The following TRHDE variants were observed in gnomAD, a reference collection of about 807,000 sequenced individuals.
TRHDE encodes the protein thyrotropin-releasing hormone-degrading ectoenzyme.
A neutral mutation model predicts 125.7 loss-of-function variants in TRHDE; 72 were observed. The observed-to-expected ratio is 0.57, with a 90% CI of 0.47 to 0.70. The LOEUF is 0.70. TRHDE is among the 30% of genes least tolerant of loss of function. TRHDE has a pLI of 0.00. For missense variants in TRHDE, 1,110 were observed against 1,327.1 expected (o/e 0.84, Z 2.54); for synonymous variants, 509 against 509.1 (o/e 1.00, Z 0.00).
At chr12:72,489,181 A>G (rs558483600) in intron 5 of TRHDE, among the ~76,000 whole-genome samples, 1 of 151,674 alleles carries the variant, frequency 6.6e-6, no homozygotes, top group Non-Finnish European at 1.5e-5. Context: ...ACAGAATGGA[A>G]AAACCATAGA....
At chr12:72,632,987 G>T (rs761812099) in intron 15 of TRHDE, among the ~76,000 whole-genome samples, 2 of 151,906 alleles carry the variant, frequency 1.3e-5, no homozygotes, top group African/African-American at 4.8e-5. Context: ...TTTATAAAGT[G>T]ATCTTATAGC....
At chr12:72,289,719 C>T (rs1880017784) in intron 2 of TRHDE, among the ~76,000 whole-genome samples, 1 of 152,084 alleles carries the variant, frequency 6.6e-6, no homozygotes, top group Admixed American at 6.6e-5. Context: ...TTCCTGCTCC[C>T]AGGGAGCTTA....
chr12:72,284,251 A>C (rs895400511), intron 1 of TRHDE, among the ~76,000 whole-genome samples: 3 of 152,192 alleles, frequency 2.0e-5, no homozygotes, highest in Non-Finnish European at 4.4e-5. Flanking sequence ...CCTGTATAGC[A>C]TAAAGCTCAC....
At chr12:72,284,076 A>G (rs1879792051) in intron 1 of TRHDE, among the ~76,000 whole-genome samples, 2 of 152,158 alleles carry the variant, frequency 1.3e-5, no homozygotes, top group South Asian at 4.1e-4. Flanking sequence ...CTTTTTGAGT[A>G]CTAACATGAT....
intron 2 of TRHDE, among the ~76,000 whole-genome samples, chr12:72,290,152 G>A (rs905223435): frequency 6.6e-6 from 1 of 152,178 alleles, no homozygotes; most frequent in Non-Finnish European, 1.5e-5. Flanking sequence ...GGAGGAGATA[G>A]GATTCAGTAT....
chr12:72,343,737 A>C (rs555471252), intron 2 of TRHDE, among the ~76,000 whole-genome samples: 1 of 152,214 alleles, frequency 6.6e-6, no homozygotes, highest in South Asian at 2.1e-4. Flanking sequence ...TTGACTGTAG[A>C]TAGAGTAATG....
At chr12:72,245,317 A>G (rs1425634523) in intron 2 of TRHDE, among the ~76,000 whole-genome samples, 2 of 137,866 alleles carry the variant, frequency 1.5e-5, no homozygotes, top group Non-Finnish European at 3.0e-5. Context: ...GTGGATAGGT[A>G]GATAGATATA....
At chr12:72,643,044 G>A (rs1874132289) in intron 15 of TRHDE, among the ~76,000 whole-genome samples, 1 of 152,144 alleles carries the variant, frequency 6.6e-6, no homozygotes, top group South Asian at 2.1e-4. Context: ...CATATCCGGT[G>A]CTTACCAATC....
At chr12:72,398,292 A>T (rs1872890713) in intron 3 of TRHDE, among the ~76,000 whole-genome samples, 1 of 152,180 alleles carries the variant, frequency 6.6e-6, no homozygotes, top group Non-Finnish European at 1.5e-5. Flanking sequence ...TGCAATAAAC[A>T]TACGTGTGCA....
chr12:72,278,446 T>C (rs1410343474), intron 1 of TRHDE, among the ~76,000 whole-genome samples: 1 of 152,218 alleles, frequency 6.6e-6, no homozygotes, highest in Non-Finnish European at 1.5e-5. Flanking sequence ...TTTGGATATA[T>C]AATCCACCAG....
rs1433534746 is a variant in TRHDE at position 72,272,634 on chromosome 12, A to AGGC, written c.-7_-5dup. ...CCAGAGGGGGCGGGGGAGGAGGAGG[A>AGGC]GGCGGTGTGATGGCCCTGGACGGCG... On this transcript the variant is annotated 5_prime_UTR_variant, in exon 1 of 19. Transcript: ENST00000261180. The surrounding 1 kb of genome is among the most constrained non-coding windows in gnomAD (Gnocchi z 6.7). 1.0e-6 allele frequency: 1 copy of AGGC among 954,462 alleles called. No homozygotes were observed. The highest frequency in any genetic ancestry group is 1.5e-6 in the Non-Finnish European group (1 of 675,300). The allele number at this position is 954,462 out of a possible 1,614,324, so 59.1% of individuals were successfully genotyped here.
rs1870173275 is a variant in TRHDE, at chr12:72,343,431, A to G, written c.1189-34564A>G. Among the ~76,000 whole-genome samples, 3 of 152,256 alleles carry G rather than the reference A, an allele frequency of 2.0e-5. No individual in the cohort carries two copies. The South Asian group carries it at 6.2e-4, about 32-fold the overall frequency. ...AAAATATGCCTATGAATGGACTTGT[A>G]TAGTTCAAACACCTGTTCAAGGGTC... On this transcript the variant is annotated intron_variant, in intron 2 of 18. Transcript: ENST00000261180.
intron 2 of TRHDE, among the ~76,000 whole-genome samples, chr12:72,360,639 C>G (rs529897061): frequency 3.3e-5 from 5 of 151,604 alleles, no homozygotes; most frequent in African/African-American, 1.2e-4. Flanking sequence ...TAAATTGGTA[C>G]AAGTCTTTTG....
chr12:72,325,702 G>A (rs1360000125), intron 2 of TRHDE, among the ~76,000 whole-genome samples: 3 of 152,012 alleles, frequency 2.0e-5, no homozygotes, highest in Non-Finnish European at 2.9e-5. Flanking sequence ...GTTGAGCACC[G>A]TGGTTAAATC....
chr12:72,454,547 T>C (rs1431678607), intron 3 of TRHDE, among the ~76,000 whole-genome samples: 1 of 152,166 alleles, frequency 6.6e-6, no homozygotes, highest in African/African-American at 2.4e-5. Flanking sequence ...AAAAGCTTAA[T>C]CTATTTCTTA....
chr12:72,473,248 C>T (rs181147197), intron 5 of TRHDE, 68 bp downstream of exon 5: 3 of 1,234,620 alleles, frequency 2.4e-6, no homozygotes, highest in African/African-American at 3.0e-5. Flanking sequence ...AGGCTTATAC[C>T]ATCCTTAGAG....
intron 4 of TRHDE, among the ~76,000 whole-genome samples, chr12:72,470,353 C>T (rs1012706334): frequency 1.3e-5 from 2 of 152,206 alleles, no homozygotes; most frequent in Non-Finnish European, 2.9e-5. Flanking sequence ...CTTTTCCCAC[C>T]ACATAGACAC....
chr12:72,643,381 G>T (rs1874148520), intron 15 of TRHDE, among the ~76,000 whole-genome samples: 1 of 152,130 alleles, frequency 6.6e-6, no homozygotes, highest in South Asian at 2.1e-4. Context: ...TCTGCTATGT[G>T]ACGAACAGCC....
intron 12 of TRHDE, among the ~76,000 whole-genome samples, chr12:72,586,281 G>A (rs1449702742): frequency 6.6e-6 from 1 of 152,188 alleles, no homozygotes; most frequent in Non-Finnish European, 1.5e-5. Context: ...CTAAGATTTT[G>A]TGCAATGAAG....
Sources: gnomAD v4.1 joint callset for allele counts (sites outside exome capture counted in the v4.1 genomes callset) on GRCh38, gnomAD v4.1.1 for gene constraint, Gnocchi (gnomAD v3.1) non-coding constraint, MANE v1.5 for transcripts, NCBI Gene and HGNC (gene_info 2026-07-23, HGNC 2026-07-21) for gene names.